Variants in AMOTL1 observed in about 807,000 individuals in gnomAD.
AMOTL1 encodes the protein angiomotin like 1, also known as angiomotin-like protein 1.
AMOTL1 carries 45 observed loss-of-function variants against 102.9 expected under a neutral mutation model. The observed-to-expected ratio is 0.44, with a 90% CI of 0.34 to 0.56. The LOEUF is 0.56. Ranked by LOEUF, AMOTL1 falls within the 20% of genes least tolerant of loss-of-function variation. The pLI, the probability that AMOTL1 is intolerant of heterozygous loss-of-function variation, is 0.01. For synonymous variants in AMOTL1, 481 were observed against 484.7 expected, an observed-to-expected ratio of 0.99 and a Z score of 0.10; for missense variants, 1,114 against 1,225.6, an observed-to-expected ratio of 0.91 and a Z score of 1.36.
At chr11:94,777,067 G>A (rs1010919962) in intron 1 of AMOTL1, among the ~76,000 whole-genome samples, 1 of 152,210 alleles carries the variant, frequency 6.6e-6, no homozygotes, top group African/African-American at 2.4e-5. Flanking sequence ...TTCTTGAAAA[G>A]AGAAATGGTC....
At chr11:94,870,141 G>A (rs1952966527) in intron 12 of AMOTL1, among the ~76,000 whole-genome samples, 1 of 152,120 alleles carries the variant, frequency 6.6e-6, no homozygotes, top group African/African-American at 2.4e-5. Flanking sequence ...AAGGCTTTAA[G>A]TAGCCAGAGA....
chr11:94,863,293 AAAG>A (rs1321254809), intron 9 of AMOTL1, among the ~76,000 whole-genome samples: 2 of 151,940 alleles, frequency 1.3e-5, no homozygotes, highest in Non-Finnish European at 2.9e-5. Flanking sequence ...AAAAAAAAAA[AAAG>A]CTTTAAAGTT....
chr11:94,790,450 G>A (rs955946661), intron 1 of AMOTL1, among the ~76,000 whole-genome samples: 14 of 152,264 alleles, frequency 9.2e-5, no homozygotes, highest in African/African-American at 2.6e-4. Context: ...GGTGTTGAGA[G>A]GCGTTCTAGA....
rs1042385814 is a variant in AMOTL1 at position 94,735,047 on chromosome 11, G to A, written c.86-5891G>A. Among the ~76,000 whole-genome samples the A allele has an allele frequency of 2.4e-4, 37 of 152,222 alleles. 1 individual carries two copies. Among genetic ancestry groups the A allele is most frequent in the Admixed American group, 2.3e-3 (35 of 15,292 alleles). ...CTTGGAGAAAGAAGCATATCTGTGT[G>A]AGACTCCGTCTCTTCCTCTTCTGAA... On this transcript the variant is annotated intron_variant, in intron 2 of 4. Transcript: ENST00000299004.
chr11:94,747,674 G>A (rs1259096816), intron 3 of AMOTL1, among the ~76,000 whole-genome samples: 1 of 152,204 alleles, frequency 6.6e-6, no homozygotes, highest in African/African-American at 2.4e-5. Flanking sequence ...TTAACACAAG[G>A]AAGACTGCGT....
intron 3 of AMOTL1, among the ~76,000 whole-genome samples, chr11:94,759,552 G>A (rs1287357501): frequency 9.0e-6 from 1 of 111,270 alleles, no homozygotes; most frequent in Non-Finnish European, 1.8e-5. Flanking sequence ...GCAGAGTGAA[G>A]TTTTTCATCT....
At chr11:94,767,837 T>C (rs940743275), upstream of AMOTL1, among the ~76,000 whole-genome samples, 1 of 152,018 alleles carries the variant, frequency 6.6e-6, no homozygotes, top group African/African-American at 2.4e-5. Context: ...GGCTGTCAGG[T>C]CTGTTTTGGC....
chr11:94,785,301 G>A (rs913545897), intron 1 of AMOTL1, among the ~76,000 whole-genome samples: 1 of 152,210 alleles, frequency 6.6e-6, no homozygotes, highest in Non-Finnish European at 1.5e-5. Flanking sequence ...TTGGAGGGCA[G>A]AATGGTGTAG....
chr11:94,743,707 G>A (rs989128418), intron 3 of AMOTL1, among the ~76,000 whole-genome samples: 2 of 137,032 alleles, frequency 1.5e-5, no homozygotes, highest in Non-Finnish European at 3.0e-5. Context: ...CGCCCAGATG[G>A]GAGTGCAATG....
chr11:94,719,560 G>T (rs1031366399), intron 1 of AMOTL1, among the ~76,000 whole-genome samples: 2 of 114,602 alleles, frequency 1.7e-5, no homozygotes, highest in Admixed American at 2.3e-4. Context: ...AAAAGCCAGA[G>T]CGAAAATGTG....
chr11:94,865,976 G>A lies in AMOTL1; in HGVS notation c.2296G>A (p.Asp766Asn). 6.2e-7 allele frequency: 1 copy of A among 1,613,880 alleles called. No individual in the cohort carries two copies. Among genetic ancestry groups the A allele is most frequent in the Non-Finnish European group, 8.5e-7 (1 of 1,179,850 alleles). Residue 766 changes from aspartate to asparagine, a missense_variant, in exon 11 of 13, where the codon GAT becomes AAT. Physicochemically the swap from Asp to Asn is conservative, Grantham distance 23 (BLOSUM62 1). Transcript: ENST00000433060. The stretch of plus-strand genomic sequence containing the variant: ...TCTCCATGCCAAAATCATAGAGAAA[G>A]ATGCTATGATTAAGGTCCTGCAGCA... The part of the protein sequence containing the change: ...KNLHAKIIEK[D>N]AMIKVLQQRS...
chr11:94,836,188 T>C (rs1370446149), intron 6 of AMOTL1, among the ~76,000 whole-genome samples: 5 of 152,180 alleles, frequency 3.3e-5, no homozygotes, highest in Non-Finnish European at 5.9e-5. Context: ...ACATAGAGCA[T>C]AAGGAGATTA....
chr11:94,870,001 G>C (rs1281730361), intron 12 of AMOTL1, among the ~76,000 whole-genome samples: 1 of 152,248 alleles, frequency 6.6e-6, no homozygotes, highest in African/African-American at 2.4e-5. Context: ...CAACTTGGGA[G>C]AGGTGATCTT....
At chr11:94,791,658 G>A (rs1187323022) in intron 1 of AMOTL1, among the ~76,000 whole-genome samples, 4 of 152,158 alleles carry the variant, frequency 2.6e-5, no homozygotes, top group African/African-American at 2.4e-5. Context: ...CCCTGGTACC[G>A]AGCCAGGCTC....
intron 2 of AMOTL1, among the ~76,000 whole-genome samples, chr11:94,798,869 A>G (rs1460319597): frequency 1.3e-5 from 2 of 152,094 alleles, no homozygotes; most frequent in African/African-American, 4.8e-5. Context: ...GAAAATTCTC[A>G]TTGGATTTGC....
intron 3 of AMOTL1, among the ~76,000 whole-genome samples, chr11:94,751,343 G>A (rs1950651724): frequency 6.6e-6 from 1 of 151,886 alleles, no homozygotes; most frequent in Non-Finnish European, 1.5e-5. Flanking sequence ...TGCCCTTTCT[G>A]CCCTTTCCAT....
chr11:94,717,221 T>C lies in AMOTL1; in HGVS notation c.-51+10624T>C, dbSNP rs1185441890. ...TCTGTTGAGTTATTTCCAGAGTATT[T>C]AGTTATATTTAGAGGAGAGGGAGAG... On this transcript the variant is annotated intron_variant, in intron 1 of 4. Coordinates refer to the AMOTL1 transcript ENST00000299004. Among the ~76,000 whole-genome samples the C allele has an allele frequency of 1.5e-4, 23 of 151,406 alleles. No individual in the cohort carries two copies. In the Admixed American group the frequency reaches 1.5e-3, roughly 10 times the overall value.
At chr11:94,865,625 C>T (rs535051625) in intron 10 of AMOTL1, among the ~76,000 whole-genome samples, 42 of 152,310 alleles carry the variant, frequency 2.8e-4, no homozygotes, top group African/African-American at 5.3e-4. Context: ...TACCTACCCC[C>T]GGCCCCCACC....
intron 1 of AMOTL1, among the ~76,000 whole-genome samples, chr11:94,771,230 T>G (rs993147628): frequency 7.2e-5 from 10 of 138,892 alleles, no homozygotes; most frequent in Non-Finnish European, 1.6e-4. Context: ...AAAGTAACCT[T>G]TTCTATTTTC....
Sources: gnomAD v4.1 joint callset for allele counts (sites outside exome capture counted in the v4.1 genomes callset) on GRCh38, gnomAD v4.1.1 for gene constraint, MANE v1.5 for transcripts, NCBI Gene and HGNC (gene_info 2026-07-23, HGNC 2026-07-21) for gene names.